Variants in GPC6 observed in about 807,000 individuals in gnomAD.
The protein encoded by GPC6 is glypican 6.
A neutral mutation model predicts 55.2 loss-of-function variants in GPC6; 14 were observed. The observed-to-expected ratio is 0.25, with a 90% CI of 0.17 to 0.40. The LOEUF (loss-of-function observed/expected upper bound fraction) is 0.40, where lower values mean the gene tolerates loss of function less well. Ranked by LOEUF, GPC6 falls within the 10% of genes least tolerant of loss-of-function variation. GPC6 has a pLI of 1.00. For missense variants in GPC6, 641 were observed against 708.5 expected, an observed-to-expected ratio of 0.90 and a Z score of 1.08; for synonymous variants, 278 against 259.6, an observed-to-expected ratio of 1.07 and a Z score of -0.68.
At chr13:93,873,112 T>G (rs1316057063) in intron 3 of GPC6, among the ~76,000 whole-genome samples, 8 of 151,514 alleles carry the variant, frequency 5.3e-5, no homozygotes, top group Non-Finnish European at 1.0e-4. Context: ...GGACATTTTG[T>G]GATTTTTTTT....
chr13:93,681,701 A>T (rs1348068234), intron 2 of GPC6, among the ~76,000 whole-genome samples: 1 of 152,204 alleles, frequency 6.6e-6, no homozygotes, highest in African/African-American at 2.4e-5. Context: ...CAATCCATTT[A>T]AAATACATTT....
chr13:93,780,007 C>T (rs1885587519), intron 2 of GPC6, among the ~76,000 whole-genome samples: 2 of 151,918 alleles, frequency 1.3e-5, no homozygotes, highest in Non-Finnish European at 2.9e-5. Context: ...AGTTATCTTA[C>T]AAATAGAGAA....
At chr13:93,676,702 G>A (rs1594364216) in intron 2 of GPC6, among the ~76,000 whole-genome samples, 1 of 152,128 alleles carries the variant, frequency 6.6e-6, no homozygotes, top group East Asian at 1.9e-4. Flanking sequence ...TCCTCTTAGG[G>A]AGTGTGTTCT....
chr13:94,002,997 A>G (rs1353580004), intron 3 of GPC6, among the ~76,000 whole-genome samples: 1 of 152,202 alleles, frequency 6.6e-6, no homozygotes, highest in Non-Finnish European at 1.5e-5. Flanking sequence ...AAAGAAATCA[A>G]CAGTCACACA....
At chr13:93,613,455 T>A (rs1878573386) in intron 2 of GPC6, among the ~76,000 whole-genome samples, 2 of 151,922 alleles carry the variant, frequency 1.3e-5, no homozygotes, top group Admixed American at 1.3e-4. Context: ...TAAGACTATA[T>A]GCATTTAGTC....
intron 4 of GPC6, among the ~76,000 whole-genome samples, chr13:94,224,687 G>A (rs1890492405): frequency 6.6e-6 from 1 of 151,962 alleles, no homozygotes; most frequent in Non-Finnish European, 1.5e-5. Flanking sequence ...GAAGGTTTTT[G>A]GAGCATTTTT....
intron 4 of GPC6, among the ~76,000 whole-genome samples, chr13:94,102,953 T>G (rs1180601259): frequency 2.0e-5 from 3 of 152,146 alleles, no homozygotes; most frequent in African/African-American, 7.2e-5. Context: ...TTGTTACATA[T>G]GTATACATGT....
At chr13:93,908,826 G>A (rs1259623928) in intron 3 of GPC6, among the ~76,000 whole-genome samples, 1 of 152,090 alleles carries the variant, frequency 6.6e-6, no homozygotes, top group Non-Finnish European at 1.5e-5. Flanking sequence ...CCCACTGTCT[G>A]AGATGTTCTC....
At chr13:93,939,254 T>G (rs1387257546) in intron 3 of GPC6, among the ~76,000 whole-genome samples, 1 of 151,308 alleles carries the variant, frequency 6.6e-6, no homozygotes, top group African/African-American at 2.4e-5. Flanking sequence ...AAATTCTTCT[T>G]TAATGTTTTG....
chr13:94,106,326 G>A (rs1886052535), intron 4 of GPC6, among the ~76,000 whole-genome samples: 1 of 152,210 alleles, frequency 6.6e-6, no homozygotes, highest in South Asian at 2.1e-4. Flanking sequence ...TACATTATTT[G>A]GTAATTAGTG....
intron 3 of GPC6, among the ~76,000 whole-genome samples, chr13:93,886,170 A>G (rs1875313252): frequency 6.6e-6 from 1 of 152,128 alleles, no homozygotes; most frequent in Non-Finnish European, 1.5e-5. Context: ...CATTATCAAC[A>G]CATTTTATTA....
chr13:93,776,785 A>G (rs1404390253), intron 2 of GPC6, among the ~76,000 whole-genome samples: 1 of 152,166 alleles, frequency 6.6e-6, no homozygotes, highest in Non-Finnish European at 1.5e-5. Flanking sequence ...TTTCATCAGG[A>G]CATACCTTGT....
intron 3 of GPC6, among the ~76,000 whole-genome samples, chr13:93,841,267 T>A (rs1887943479): frequency 6.6e-6 from 1 of 152,180 alleles, no homozygotes; most frequent in African/African-American, 2.4e-5. Flanking sequence ...GCTGACATAG[T>A]GAAGCGGGAC....
chr13:93,978,489 C>T (rs575920378), intron 3 of GPC6, among the ~76,000 whole-genome samples: 2 of 152,262 alleles, frequency 1.3e-5, no homozygotes, highest in East Asian at 1.9e-4. Context: ...ATAACCAATA[C>T]TGAGATAGGA....
intron 4 of GPC6, among the ~76,000 whole-genome samples, chr13:94,254,362 G>C (rs552367367): frequency 6.6e-6 from 1 of 152,136 alleles, no homozygotes; most frequent in East Asian, 1.9e-4. Flanking sequence ...GATTTTGTTT[G>C]CCTCTACCTT....
At chr13:93,970,317 C>G (rs1278849469) in intron 3 of GPC6, among the ~76,000 whole-genome samples, 1 of 152,058 alleles carries the variant, frequency 6.6e-6, no homozygotes, top group East Asian at 1.9e-4. Flanking sequence ...CAAACAAAAC[C>G]TGACAAACAA....
chr13:93,425,507 G>A (rs1009460220), intron 1 of GPC6, among the ~76,000 whole-genome samples: 5 of 152,132 alleles, frequency 3.3e-5, no homozygotes, highest in South Asian at 2.1e-4. Flanking sequence ...AGATTAAACC[G>A]GTTTCACCAA....
chr13:94,355,634 A>G (rs1358696633), intron 6 of GPC6, among the ~76,000 whole-genome samples: 1 of 152,188 alleles, frequency 6.6e-6, no homozygotes, highest in Non-Finnish European at 1.5e-5. Context: ...AAAAGAACAG[A>G]AATTGCTTCC....
At chr13:93,286,888 A>C (rs1040935971) in intron 1 of GPC6, among the ~76,000 whole-genome samples, 2 of 152,164 alleles carry the variant, frequency 1.3e-5, no homozygotes, top group Admixed American at 1.3e-4. Context: ...TGATACCTGA[A>C]ATGCTCTAAA....
Sources: allele counts gnomAD v4.1 joint callset (sites outside exome capture counted in the v4.1 genomes callset), GRCh38; gene constraint gnomAD v4.1.1; transcripts MANE v1.5; gene names NCBI Gene and HGNC (gene_info 2026-07-23, HGNC 2026-07-21).